The following SYNE2 variants were observed in gnomAD, a reference collection of about 807,000 sequenced individuals.
The protein encoded by SYNE2 is spectrin repeat containing nuclear envelope protein 2, also known as nesprin-2.
In SYNE2, 431 loss-of-function variants were observed where a neutral mutation model predicts 856.3. The ratio of observed to expected loss-of-function variants is 0.50; its 90% CI spans 0.47 to 0.55. SYNE2 has a LOEUF of 0.55. Among genes scored for constraint, SYNE2 ranks in the 20% least tolerant of loss-of-function variants. The pLI is 0.00. For synonymous variants in SYNE2, 2,923 were observed against 2,872.3 expected (o/e 1.02, Z -0.56); for missense variants, 8,129 against 8,023.2 (o/e 1.01, Z -0.50).
At chr14:63,956,976 A>G (rs2096248469) in intron 8 of SYNE2, among the ~76,000 whole-genome samples, 1 of 151,272 alleles carries the variant, frequency 6.6e-6, no homozygotes, top group Non-Finnish European at 1.5e-5. Context: ...TTTACCCCTA[A>G]CCCCCCCATG....
chr14:63,782,467 CAAAAAAAAA>C (rs35413633), intron 1 of SYNE2, among the ~76,000 whole-genome samples: 1 of 49,642 alleles, frequency 2.0e-5, no homozygotes, highest in African/African-American at 8.8e-5. Flanking sequence ...AACTCCATCT[CAAAAAAAAA>C]AAAAAAAAAA....
chr14:64,005,623 G>T (rs1029956804), intron 30 of SYNE2, among the ~76,000 whole-genome samples: 8 of 152,172 alleles, frequency 5.3e-5, no homozygotes, highest in Non-Finnish European at 1.2e-4. Context: ...AGTATTGAAT[G>T]AAAGATTAGG....
chr14:63,892,834 A>G (rs2095166998), intron 1 of SYNE2, among the ~76,000 whole-genome samples: 1 of 151,584 alleles, frequency 6.6e-6, no homozygotes, highest in South Asian at 2.1e-4. Context: ...CCTCCCAAGT[A>G]GCTGGCCTAT....
At chr14:64,126,301 C>A (rs2097944669) in intron 71 of SYNE2, 26 bp from the exon 72 acceptor site, 3 of 1,605,080 alleles carry the variant, frequency 1.9e-6, no homozygotes, top group Admixed American at 1.7e-5. Flanking sequence ...TCTTAATTTT[C>A]TTTTTCTTTT....
intron 108 of SYNE2, chr14:64,218,124 G>C: frequency 2.4e-6 from 1 of 410,836 alleles, no homozygotes; most frequent in Non-Finnish European, 4.6e-6. Context: ...GTGTTTGGAA[G>C]CATGCCAATT....
At chr14:63,865,600 T>C (rs1416661564) in intron 1 of SYNE2, among the ~76,000 whole-genome samples, 1 of 151,142 alleles carries the variant, frequency 6.6e-6, no homozygotes, top group African/African-American at 2.4e-5. Flanking sequence ...AGCAGGCTGG[T>C]CTTGAACTCC....
rs117068607 is a variant in SYNE2, at chr14:63,874,002, G to T, written c.-52+20859G>T. On this transcript the variant is annotated intron_variant, in intron 1 of 115. Transcript: ENST00000555002. ...GTTGGCTGCTTGTATTTGCTTTCTG[G>T]AAGGTTATTGTTTTCAAGGATCTTA... 3 of 152,316 alleles carry T rather than the reference G, an allele frequency of 2.0e-5. No homozygotes were observed. The East Asian group carries it at 5.8e-4, about 29-fold the overall frequency. The allele number at this position is 152,316 out of a possible 1,614,324, so 9.4% of individuals were successfully genotyped here.
intron 1 of SYNE2, among the ~76,000 whole-genome samples, chr14:63,836,846 A>G (rs1290666030): frequency 6.6e-6 from 1 of 152,214 alleles, no homozygotes; most frequent in Non-Finnish European, 1.5e-5. Flanking sequence ...ATTACAGCGA[A>G]TTCTCATCTC....
intron 1 of SYNE2, among the ~76,000 whole-genome samples, chr14:63,782,325 G>A (rs893361910): frequency 5.9e-5 from 9 of 151,486 alleles, no homozygotes; most frequent in East Asian, 3.9e-4. Flanking sequence ...AAAATTAGTC[G>A]GGCCTGTTTG....
At chr14:63,836,815 AT>A (rs1170655059) in intron 1 of SYNE2, among the ~76,000 whole-genome samples, 4 of 152,218 alleles carry the variant, frequency 2.6e-5, no homozygotes, top group African/African-American at 9.6e-5. Context: ...GTTAGATAAT[AT>A]TCTTCCTCTG....
chr14:63,967,392 C>T (rs757969775), intron 10 of SYNE2, among the ~76,000 whole-genome samples: 18 of 152,268 alleles, frequency 1.2e-4, no homozygotes, highest in South Asian at 1.0e-3. Flanking sequence ...TGCATACTTG[C>T]GGAGAACAAA....
At chr14:63,887,228 CCGAGATCGCA>C (rs1172630442) in intron 1 of SYNE2, among the ~76,000 whole-genome samples, 7 of 151,950 alleles carry the variant, frequency 4.6e-5, no homozygotes, top group African/African-American at 1.7e-4. Flanking sequence ...TTGCAGTGAG[CCGAGATCGCA>C]CCACTGCATT....
At chr14:63,787,794 C>T (rs918547347) in intron 1 of SYNE2, among the ~76,000 whole-genome samples, 1 of 152,180 alleles carries the variant, frequency 6.6e-6, no homozygotes, top group Non-Finnish European at 1.5e-5. Context: ...CCACAAGTGC[C>T]CACTTGGACC....
At chr14:63,896,155 A>C (rs2153297099) in intron 1 of SYNE2, among the ~76,000 whole-genome samples, 1 of 152,334 alleles carries the variant, frequency 6.6e-6, no homozygotes, top group African/African-American at 2.4e-5. Context: ...ATGTTCATTA[A>C]ATTAAAAGAA....
intron 2 of SYNE2, among the ~76,000 whole-genome samples, chr14:63,923,540 A>G (rs933750243): frequency 6.6e-6 from 1 of 152,250 alleles, no homozygotes; most frequent in African/African-American, 2.4e-5. Context: ...TTCCTATAGC[A>G]TGAAAGCTCT....
At chr14:63,966,123 G>A (rs1383668125) in intron 10 of SYNE2, among the ~76,000 whole-genome samples, 1 of 152,090 alleles carries the variant, frequency 6.6e-6, no homozygotes, top group Non-Finnish European at 1.5e-5. Flanking sequence ...TGAGCAGCAT[G>A]GTTCTAAAGC....
intron 1 of SYNE2, among the ~76,000 whole-genome samples, chr14:63,831,401 C>T (rs1160260212): frequency 6.6e-6 from 1 of 151,850 alleles, no homozygotes; most frequent in Non-Finnish European, 1.5e-5. Context: ...AAAGTCTGAA[C>T]ATGATTTGAT....
chr14:63,831,438 C>G (rs994649141), intron 1 of SYNE2, among the ~76,000 whole-genome samples: 8 of 147,478 alleles, frequency 5.4e-5, no homozygotes, highest in Non-Finnish European at 9.0e-5. Flanking sequence ...GACATTTGCT[C>G]TTGATTTTTG....
chr14:64,196,547 A>G (rs2098541427), intron 99 of SYNE2, among the ~76,000 whole-genome samples: 1 of 152,210 alleles, frequency 6.6e-6, no homozygotes, highest in Non-Finnish European at 1.5e-5. Flanking sequence ...AAACCCCCAC[A>G]GGGATATTTC....
Sources: gnomAD v4.1 joint callset for allele counts (sites outside exome capture counted in the v4.1 genomes callset) on GRCh38, gnomAD v4.1.1 for gene constraint, MANE v1.5 for transcripts, NCBI Gene and HGNC (gene_info 2026-07-23, HGNC 2026-07-21) for gene names.